The following LRRTM4 variants were observed in gnomAD, a reference collection of about 807,000 sequenced individuals.
LRRTM4 encodes leucine-rich repeat transmembrane neuronal protein 4.
Under a neutral mutation model 47.6 loss-of-function variants are expected in LRRTM4, and 25 were observed. That is an observed-to-expected ratio of 0.53 (90% CI 0.38 to 0.73). The LOEUF is 0.73. LRRTM4 is among the 30% of genes least tolerant of loss of function. The probability of loss-of-function intolerance (pLI) is 0.00; values close to 1 mark genes in which losing one functional copy is unlikely to be tolerated. For synonymous variants in LRRTM4, 311 were observed against 269.5 expected, an observed-to-expected ratio of 1.15 and a Z score of -1.51; for missense variants, 638 against 713.4, an observed-to-expected ratio of 0.89 and a Z score of 1.20.
At chr2:76,826,980 A>C (rs1475240197) in intron 3 of LRRTM4, among the ~76,000 whole-genome samples, 8 of 151,904 alleles carry the variant, frequency 5.3e-5, no homozygotes, top group Admixed American at 5.3e-4. Context: ...TTTTGTTTCC[A>C]AGCTCACAAG....
chr2:77,392,459 G>A (rs533795898), intron 3 of LRRTM4, among the ~76,000 whole-genome samples: 1 of 151,908 alleles, frequency 6.6e-6, no homozygotes, highest in Non-Finnish European at 1.5e-5. Context: ...ATACTTTTTG[G>A]TTTACACCAT....
rs1389592298 is a variant in LRRTM4 at position 76,948,858 on chromosome 2, A to G, written c.1552-199942T>C. ...GGGGCTCATAATAATGCTATTAATC[A>G]TAACTAGATTTTGTACATTTTATGA... is the stretch of plus-strand genomic sequence containing the variant. On this transcript the variant is annotated intron_variant, in intron 3 of 3. Transcript: ENST00000409884. 3.9e-5 allele frequency among the ~76,000 whole-genome samples: 6 copies of G among 152,040 alleles called. No homozygotes were observed. In the South Asian group the frequency reaches 8.3e-4, roughly 21 times the overall value.
chr2:76,833,109 G>A (rs1671401708), intron 3 of LRRTM4, among the ~76,000 whole-genome samples: 1 of 152,056 alleles, frequency 6.6e-6, no homozygotes, highest in Non-Finnish European at 1.5e-5. Context: ...ATACAAATCT[G>A]GAACTTGGGT....
chr2:77,311,647 A>T (rs536988665), intron 3 of LRRTM4, among the ~76,000 whole-genome samples: 40 of 152,338 alleles, frequency 2.6e-4, no homozygotes, highest in African/African-American at 9.4e-4. Flanking sequence ...TTAAATAAAT[A>T]GCAGCAGGTG....
intron 3 of LRRTM4, among the ~76,000 whole-genome samples, chr2:76,797,415 T>C (rs1272020926): frequency 1.3e-5 from 2 of 151,926 alleles, no homozygotes; most frequent in Admixed American, 6.6e-5. Context: ...AAGCAAATGC[T>C]GAGAGATTTT....
chr2:76,783,882 A>ATGAT (rs1211553428), intron 3 of LRRTM4, among the ~76,000 whole-genome samples: 1 of 152,192 alleles, frequency 6.6e-6, no homozygotes, highest in Non-Finnish European at 1.5e-5. Context: ...AAGAATGTGT[A>ATGAT]TGATTTGACA....
chr2:76,783,061 G>T (rs912908744), intron 3 of LRRTM4, among the ~76,000 whole-genome samples: 1 of 152,028 alleles, frequency 6.6e-6, no homozygotes, highest in Non-Finnish European at 1.5e-5. Context: ...ACATGCTTAG[G>T]TGCAGGAAGT....
At chr2:77,294,995 A>G (rs1676931767) in intron 3 of LRRTM4, among the ~76,000 whole-genome samples, 1 of 152,144 alleles carries the variant, frequency 6.6e-6, no homozygotes, top group African/African-American at 2.4e-5. Flanking sequence ...TTATGTAACT[A>G]TCATGAAAAA....
intron 3 of LRRTM4, among the ~76,000 whole-genome samples, chr2:76,941,022 ATTG>A (rs1480601628): frequency 6.6e-6 from 1 of 152,188 alleles, no homozygotes; most frequent in Admixed American, 6.5e-5. Flanking sequence ...TTTGGTGATT[ATTG>A]TTGTTTTTAA....
At chr2:76,905,818 C>T (rs1673813408) in intron 3 of LRRTM4, among the ~76,000 whole-genome samples, 2 of 152,248 alleles carry the variant, frequency 1.3e-5, no homozygotes, top group East Asian at 1.9e-4. Context: ...AAGAAACGAA[C>T]AAAGCCTCCA....
intron 3 of LRRTM4, among the ~76,000 whole-genome samples, chr2:77,458,033 C>A (rs1393050812): frequency 6.6e-6 from 1 of 152,126 alleles, no homozygotes; most frequent in Non-Finnish European, 1.5e-5. Flanking sequence ...AGAGAAATGC[C>A]AAATCGTTCA....
intron 3 of LRRTM4, among the ~76,000 whole-genome samples, chr2:77,204,381 T>C (rs1243646373): frequency 2.0e-5 from 3 of 151,746 alleles, no homozygotes; most frequent in African/African-American, 7.3e-5. Flanking sequence ...ATGATGATGG[T>C]GATAATGATG....
intron 3 of LRRTM4, among the ~76,000 whole-genome samples, chr2:77,110,440 A>C (rs1048726612): frequency 1.3e-5 from 2 of 152,180 alleles, no homozygotes; most frequent in Non-Finnish European, 2.9e-5. Context: ...TGAATCCATT[A>C]GTAAGGATTG....
intron 3 of LRRTM4, among the ~76,000 whole-genome samples, chr2:77,455,161 C>T (rs1676475753): frequency 6.6e-6 from 1 of 152,144 alleles, no homozygotes; most frequent in Admixed American, 6.6e-5. Context: ...GCACTCTAGC[C>T]TGGATGACAG....
intron 3 of LRRTM4, among the ~76,000 whole-genome samples, chr2:76,766,485 G>C (rs565109544): frequency 6.6e-6 from 1 of 152,076 alleles, no homozygotes; most frequent in African/African-American, 2.4e-5. Context: ...TTGCATATTG[G>C]CTAACCTTTT....
chr2:77,464,648 A>G (rs1273045945), intron 3 of LRRTM4, among the ~76,000 whole-genome samples: 1 of 152,108 alleles, frequency 6.6e-6, no homozygotes, highest in East Asian at 1.9e-4. Context: ...AACTGGTCTT[A>G]GGCACGTTTT....
In LRRTM4 at chr2:77,277,799, G is replaced by T. The variant is rs150188258; in HGVS notation, c.1551+240519C>A. 2.5e-4 allele frequency among the ~76,000 whole-genome samples: 38 copies of T among 152,094 alleles called. 1 individual carries two copies. The highest frequency in any genetic ancestry group is 1.9e-3 in the Admixed American group (29 of 15,228). ...TGTGTAATTACATTTACATTTGCTTGTCATATTTACTCTAAAATGTCACTG... is the reference window on the plus strand; with the variant it reads ...TGTGTAATTACATTTACATTTGCTTTTCATATTTACTCTAAAATGTCACTG... On this transcript the variant is annotated intron_variant, in intron 3 of 3. Transcript: ENST00000409884.
intron 3 of LRRTM4, among the ~76,000 whole-genome samples, chr2:77,111,202 C>T (rs988490177): frequency 8.6e-5 from 13 of 151,648 alleles, no homozygotes; most frequent in African/African-American, 1.9e-4. Context: ...CTCTGCCTCC[C>T]GGGTTCAAGG....
chr2:76,924,372 C>T (rs1558741279), intron 3 of LRRTM4, among the ~76,000 whole-genome samples: 1 of 151,910 alleles, frequency 6.6e-6, no homozygotes, highest in Non-Finnish European at 1.5e-5. Flanking sequence ...TATATTCATC[C>T]CATTTCTCTT....
Sources: gnomAD v4.1 joint callset for allele counts (sites outside exome capture counted in the v4.1 genomes callset) on GRCh38, gnomAD v4.1.1 for gene constraint, MANE v1.5 for transcripts, NCBI Gene and HGNC (gene_info 2026-07-23, HGNC 2026-07-21) for gene names.